Variants in NIPSNAP3B observed in about 807,000 individuals in gnomAD.
NIPSNAP3B encodes the protein protein NipSnap homolog 3B.
In NIPSNAP3B, 30 loss-of-function variants were observed where a neutral mutation model predicts 31.5. The observed-to-expected ratio is 0.95, with a 90% CI of 0.71 to 1.29. The LOEUF is 1.29. Among genes scored for constraint, NIPSNAP3B ranks in the 50% most tolerant of loss-of-function variants. The probability of loss-of-function intolerance (pLI) is 0.00; values close to 1 mark genes in which losing one functional copy is unlikely to be tolerated. For synonymous variants in NIPSNAP3B, 106 were observed against 107.9 expected (o/e 0.98, Z 0.11); for missense variants, 269 against 300.7 (o/e 0.89, Z 0.78).
rs74713541 is a variant in NIPSNAP3B, at chr9:104,766,637, G to A, written c.271+102G>A. 9.2e-4 allele frequency: 1,060 copies of A among 1,154,128 alleles called. 6 individuals carry two copies. The African/African-American group carries it at 0.015, about 16-fold the overall frequency. 71.5% of individuals were successfully genotyped at this position (1,154,128 alleles called of 1,614,324 possible). ...TCTATATTACCATAGATACATACAG[G>A]TTAAGTAAGACTTTTTAAAAGCAAT... On this transcript the variant is annotated intron_variant, in intron 2 of 5. Transcript: ENST00000374762.
intron 2 of NIPSNAP3B, 78 bp downstream of exon 2, chr9:104,766,613 C>G (rs1828096371): frequency 7.3e-7 from 1 of 1,364,514 alleles, no homozygotes; most frequent in Non-Finnish European, 1.0e-6. Context: ...GTTCTTGGAT[C>G]TATATTACCA....
In NIPSNAP3B at chr9:104,764,171, C is replaced by T; in HGVS notation, c.-70C>T. On this transcript the variant is annotated 5_prime_UTR_variant, in exon 1 of 6. Coordinates refer to ENST00000374762, the MANE Select transcript of NIPSNAP3B (RefSeq NM_018376.4). The stretch of plus-strand genomic sequence containing the variant: ...GTGGTCCAGGAGCCGCTTTTTTCCA[C>T]TCGGGAAGACTTCAGAGAAGTCTCA... 2 of 1,456,070 alleles carry T rather than the reference C, an allele frequency of 1.4e-6. No homozygotes were observed. Among genetic ancestry groups the T allele is most frequent in the South Asian group, 2.5e-5 (2 of 81,150 alleles). 90.2% of individuals were successfully genotyped at this position (1,456,070 alleles called of 1,614,324 possible).
the NIPSNAP3B span, chr9:104,784,478 C>T: frequency 1.2e-6 from 2 of 1,613,798 alleles, no homozygotes; most frequent in Non-Finnish European, 1.7e-6. Context: ...TAAGATGGAC[C>T]TTTATAAATA....
At position 104,775,877 on chromosome 9, in the gene NIPSNAP3B, T is replaced by A. The variant is rs1315565447; in HGVS notation, c.*2804T>A. Among the ~76,000 whole-genome samples the A allele has an allele frequency of 8.5e-5, 13 of 152,196 alleles. No homozygotes were observed. Among genetic ancestry groups the A allele is most frequent in the South Asian group, 8.3e-4 (4 of 4,828 alleles). On this transcript the variant is annotated 3_prime_UTR_variant, in exon 6 of 6. Transcript: ENST00000374762. ...TACCTGTCAGCAGGTCCCAAATATC[T>A]AGAATTTGATTGCTTCACATCCCTA...
At chr9:104,765,424 T>C (rs973473806) in intron 1 of NIPSNAP3B, among the ~76,000 whole-genome samples, 1 of 152,200 alleles carries the variant, frequency 6.6e-6, no homozygotes, top group African/African-American at 2.4e-5. Flanking sequence ...CATAAATATT[T>C]GCATGTACGT....
At chr9:104,779,637 T>A (rs1422496835), downstream of NIPSNAP3B, among the ~76,000 whole-genome samples, 1 of 149,250 alleles carries the variant, frequency 6.7e-6, no homozygotes, top group Non-Finnish European at 1.5e-5. Flanking sequence ...TTTTTTTTTT[T>A]ACTTAATGTA....
the NIPSNAP3B span, among the ~76,000 whole-genome samples, chr9:104,787,149 G>A: frequency 6.6e-6 from 1 of 152,044 alleles, no homozygotes; most frequent in East Asian, 1.9e-4. Flanking sequence ...TGTAAACAAG[G>A]TCATTATTAT....
At chr9:104,781,103 C>A (rs1158165732), downstream of NIPSNAP3B, 3 of 152,626 alleles carry the variant, frequency 2.0e-5, no homozygotes, top group South Asian at 2.1e-4. Context: ...TATTGACATA[C>A]AAAATTTTTT....
the NIPSNAP3B span, chr9:104,788,623 G>C: frequency 2.1e-5 from 34 of 1,592,226 alleles, no homozygotes; most frequent in Non-Finnish European, 2.7e-5. Context: ...ACTCTGGTTA[G>C]ACAATCTGGC....
chr9:104,788,549 A>G, the NIPSNAP3B span: 1 of 1,614,212 alleles, frequency 6.2e-7, no homozygotes, highest in Non-Finnish European at 8.5e-7. Flanking sequence ...GATGTACTTC[A>G]TGGATGTTTG....
chr9:104,764,688 A>C (rs1828053471), intron 1 of NIPSNAP3B, among the ~76,000 whole-genome samples: 1 of 152,108 alleles, frequency 6.6e-6, no homozygotes, highest in South Asian at 2.1e-4. Context: ...TACAGGCGCC[A>C]GCCACCACGC....
At chr9:104,779,541 T>C (rs2118818060), downstream of NIPSNAP3B, among the ~76,000 whole-genome samples, 1 of 152,284 alleles carries the variant, frequency 6.6e-6, no homozygotes, top group Non-Finnish European at 1.5e-5. Flanking sequence ...AATGGTACTT[T>C]TTACCTCATA....
At chr9:104,784,569 C>G in the NIPSNAP3B span, 1 of 1,242,300 alleles carries the variant, frequency 8.0e-7, no homozygotes, top group East Asian at 2.4e-5. Flanking sequence ...TACAGAATTA[C>G]ATAAATGGAT....
Position 104,777,341 on chromosome 9 carries a change from T to C in NIPSNAP3B, c.*4268T>C, listed in dbSNP as rs1828357919. On this transcript the variant is annotated 3_prime_UTR_variant, in exon 6 of 6. Coordinates refer to ENST00000374762, the MANE Select transcript of NIPSNAP3B (RefSeq NM_018376.4). ...CAAAGGAGGGTGAACCTGGAGTATG[T>C]TGGAAGAAGTGTTAGGTTCATTAGA... The C allele has an allele frequency of 6.6e-6, 1 of 152,214 alleles. No individual in the cohort carries two copies. Among genetic ancestry groups the C allele is most frequent in the Non-Finnish European group, 1.5e-5 (1 of 68,046 alleles). 9.4% of individuals were successfully genotyped at this position (152,214 alleles called of 1,614,324 possible).
At chr9:104,790,028 G>A in the NIPSNAP3B span, among the ~76,000 whole-genome samples, 7 of 151,920 alleles carry the variant, frequency 4.6e-5, no homozygotes, top group South Asian at 2.1e-4. Context: ...CCTGGGAGGC[G>A]GAGGTTGCAG....
At chr9:104,784,027 T>A in the NIPSNAP3B span, 4 of 336,370 alleles carry the variant, frequency 1.2e-5, no homozygotes, top group Non-Finnish European at 2.2e-5. Flanking sequence ...TTCAAACCCA[T>A]ATGTCCATTG....
At chr9:104,767,232 C>A (rs1008801308) in intron 2 of NIPSNAP3B, among the ~76,000 whole-genome samples, 2 of 152,002 alleles carry the variant, frequency 1.3e-5, no homozygotes, top group African/African-American at 4.8e-5. Flanking sequence ...TGTTTAGAGA[C>A]CACTTCTTTT....
At chr9:104,770,402 A>G (rs1377614206) in intron 3 of NIPSNAP3B, among the ~76,000 whole-genome samples, 1 of 152,200 alleles carries the variant, frequency 6.6e-6, no homozygotes, top group Non-Finnish European at 1.5e-5. Context: ...AAATTATACA[A>G]AGGAAAAAGT....
rs1190549338 is a variant in NIPSNAP3B, at chr9:104,773,817, T to G, written c.*744T>G. 6.6e-6 allele frequency: 1 copy of G among 152,200 alleles called. No individual in the cohort carries two copies. Among genetic ancestry groups the G allele is most frequent in the Non-Finnish European group, 1.5e-5 (1 of 68,030 alleles). The allele number at this position is 152,200 out of a possible 1,614,324, so 9.4% of individuals were successfully genotyped here. On this transcript the variant is annotated 3_prime_UTR_variant, in exon 6 of 6. Coordinates refer to ENST00000374762, the MANE Select transcript of NIPSNAP3B (RefSeq NM_018376.4). Reference sequence around the variant, plus strand: ...AAATATTTATGGTTATGGAAACGCTTGCCCTAATAAAAATCCTGCATATTC... The same window carrying G: ...AAATATTTATGGTTATGGAAACGCTGGCCCTAATAAAAATCCTGCATATTC...
Sources: gnomAD v4.1 joint callset for allele counts (sites outside exome capture counted in the v4.1 genomes callset) on GRCh38, gnomAD v4.1.1 for gene constraint, MANE v1.5 for transcripts, NCBI Gene and HGNC (gene_info 2026-07-23, HGNC 2026-07-21) for gene names.